The following INPP4B variants were observed in gnomAD, a reference collection of about 807,000 sequenced individuals.
INPP4B encodes inositol polyphosphate 4-phosphatase type II.
A neutral mutation model predicts 122.5 loss-of-function variants in INPP4B; 55 were observed. The ratio of observed to expected loss-of-function variants is 0.45; its 90% CI spans 0.36 to 0.56. The LOEUF is 0.56. Among genes scored for constraint, INPP4B ranks in the 20% least tolerant of loss-of-function variants. The probability of loss-of-function intolerance (pLI) is 0.00; values close to 1 mark genes in which losing one functional copy is unlikely to be tolerated. For missense variants in INPP4B, 1,000 were observed against 1,097.7 expected (o/e 0.91, Z 1.26); for synonymous variants, 403 against 388.7 (o/e 1.04, Z -0.43).
rs182983965 is a variant in INPP4B, at chr4:142,223,903, A to C, written c.836+13961T>G. Among the ~76,000 whole-genome samples the C allele has an allele frequency of 2.0e-5, 3 of 152,364 alleles. No homozygotes were observed. The East Asian group carries it at 5.8e-4, about 29-fold the overall frequency. On this transcript the variant is annotated intron_variant, in intron 12 of 25. Transcript: ENST00000262992. ...AAGCAAGAAAGAGAAACAGAGAAAC[A>C]GACAGAAACCTACAAACACATCTAC...
intron 3 of INPP4B, among the ~76,000 whole-genome samples, chr4:142,450,578 T>C (rs1306330411): frequency 6.6e-6 from 1 of 152,218 alleles, no homozygotes; most frequent in East Asian, 1.9e-4. Flanking sequence ...TTACTGCTGT[T>C]TGTGAAATTC....
At chr4:142,706,936 T>C (rs960436626) in intron 2 of INPP4B, among the ~76,000 whole-genome samples, 8 of 152,210 alleles carry the variant, frequency 5.3e-5, no homozygotes, top group Non-Finnish European at 1.2e-4. Context: ...CTTATTAAAA[T>C]AACAGGAAAC....
chr4:142,278,102 G>T (rs1476037054), intron 9 of INPP4B, among the ~76,000 whole-genome samples: 1 of 151,780 alleles, frequency 6.6e-6, no homozygotes, highest in African/African-American at 2.4e-5. Flanking sequence ...TGCCCATTGG[G>T]TTCCAGTTGC....
intron 4 of INPP4B, among the ~76,000 whole-genome samples, chr4:142,430,082 C>A (rs55924247): frequency 0.015 from 2,274 of 152,170 alleles, 53 homozygotes; most frequent in African/African-American, 0.052. Flanking sequence ...CTTATTTTTG[C>A]TGGTGCATTC....
At chr4:142,232,467 G>C (rs1420554826) in intron 12 of INPP4B, among the ~76,000 whole-genome samples, 2 of 152,012 alleles carry the variant, frequency 1.3e-5, no homozygotes, top group African/African-American at 4.8e-5. Context: ...TTATTTTGGA[G>C]TGCCATGAAC....
chr4:142,234,253 T>G (rs1214469617), intron 12 of INPP4B, among the ~76,000 whole-genome samples: 1 of 152,220 alleles, frequency 6.6e-6, no homozygotes, highest in African/African-American at 2.4e-5. Context: ...TACACCTTTC[T>G]TTAGCATTTA....
At chr4:142,527,419 T>C (rs2149965418) in intron 2 of INPP4B, among the ~76,000 whole-genome samples, 1 of 152,164 alleles carries the variant, frequency 6.6e-6, no homozygotes, top group East Asian at 1.9e-4. Flanking sequence ...GTTAATACGA[T>C]GCAGAAAGCA....
intron 9 of INPP4B, among the ~76,000 whole-genome samples, chr4:142,304,295 A>G (rs2151172532): frequency 6.6e-6 from 1 of 152,250 alleles, no homozygotes; most frequent in Non-Finnish European, 1.5e-5. Context: ...GCAAAACTGT[A>G]TTGTAATAAT....
chr4:142,023,966 C>T lies in INPP4B; in HGVS notation c.*4816G>A, dbSNP rs769481314. On this transcript the variant is annotated 3_prime_UTR_variant, in exon 26 of 26. Coordinates refer to ENST00000262992, the MANE Select transcript of INPP4B (RefSeq NM_001101669.3). ...TACATTTTTTTTTTTGCTTATATTACCTTACTATTTTTCCTGTCTCCTTGT... is the reference window on the plus strand; with the variant it reads ...TACATTTTTTTTTTTGCTTATATTATCTTACTATTTTTCCTGTCTCCTTGT... The T allele has an allele frequency of 8.5e-4, 128 of 151,214 alleles. No individual in the cohort carries two copies. The highest frequency in any genetic ancestry group is 5.0e-4 in the Non-Finnish European group (34 of 67,852). The allele number at this position is 151,214 out of a possible 1,614,324, so 9.4% of individuals were successfully genotyped here. A position where few individuals can be genotyped will look rare whatever the true frequency, so the allele number is the denominator to read the frequency against.
intron 12 of INPP4B, 103 bp from the exon 13 acceptor site, chr4:142,209,129 T>C: frequency 1.3e-6 from 1 of 790,420 alleles, no homozygotes; most frequent in Non-Finnish European, 1.8e-6. Context: ...TATTTCATCC[T>C]AATTCCCAGG....
chr4:142,171,063 C>T (rs1014606078), intron 16 of INPP4B, among the ~76,000 whole-genome samples: 5 of 151,654 alleles, frequency 3.3e-5, no homozygotes, highest in African/African-American at 7.3e-5. Context: ...TTGCTTTTCC[C>T]CCAGACTATA....
intron 2 of INPP4B, among the ~76,000 whole-genome samples, chr4:142,532,223 T>C (rs748203070): frequency 6.6e-6 from 1 of 152,218 alleles, no homozygotes. Flanking sequence ...GGCCTGCATA[T>C]GCCTGCAGTT....
intron 1 of INPP4B, among the ~76,000 whole-genome samples, chr4:142,822,703 A>G (rs1273892516): frequency 6.6e-6 from 1 of 152,118 alleles, no homozygotes; most frequent in Non-Finnish European, 1.5e-5. Flanking sequence ...GTCTTAAAGG[A>G]CCAGACAAAA....
intron 12 of INPP4B, among the ~76,000 whole-genome samples, chr4:142,233,913 G>A (rs1176860923): frequency 6.6e-6 from 1 of 151,998 alleles, no homozygotes; most frequent in Non-Finnish European, 1.5e-5. Flanking sequence ...GGTGTGTAAT[G>A]GTTTCTGAGC....
chr4:142,627,219 C>A (rs1746656112), intron 2 of INPP4B, among the ~76,000 whole-genome samples: 2 of 152,046 alleles, frequency 1.3e-5, no homozygotes, highest in Admixed American at 6.6e-5. Flanking sequence ...TTGACTTCCT[C>A]TTTTCCTAAT....
intron 2 of INPP4B, among the ~76,000 whole-genome samples, chr4:142,635,555 G>A (rs1748955159): frequency 6.6e-6 from 1 of 152,124 alleles, no homozygotes; most frequent in Non-Finnish European, 1.5e-5. Flanking sequence ...TGTCTTTTGT[G>A]GGAACATGGA....
chr4:142,450,980 C>T (rs1472425365), intron 3 of INPP4B, among the ~76,000 whole-genome samples: 1 of 149,744 alleles, frequency 6.7e-6, no homozygotes, highest in African/African-American at 2.5e-5. Context: ...TTAACTCCCC[C>T]CCCCAAAAAA....
chr4:142,516,549 G>C (rs1249907216), intron 2 of INPP4B, among the ~76,000 whole-genome samples: 1 of 146,674 alleles, frequency 6.8e-6, no homozygotes, highest in Non-Finnish European at 1.5e-5. Context: ...AGACAATCCA[G>C]CTCCAGAGAT....
At chr4:142,254,249 G>A (rs1008312598) in intron 11 of INPP4B, among the ~76,000 whole-genome samples, 4 of 151,588 alleles carry the variant, frequency 2.6e-5, no homozygotes, top group African/African-American at 7.3e-5. Flanking sequence ...CCACAAAGAT[G>A]GGGAAAAAGC....
Sources: gnomAD v4.1 joint callset for allele counts (sites outside exome capture counted in the v4.1 genomes callset) on GRCh38, gnomAD v4.1.1 for gene constraint, MANE v1.5 for transcripts, NCBI Gene and HGNC (gene_info 2026-07-23, HGNC 2026-07-21) for gene names.